THSD7A: variants seen among roughly 807,000 people sequenced by gnomAD.
THSD7A encodes thrombospondin type 1 domain containing 7A.
In THSD7A, 96 loss-of-function variants were observed where a neutral mutation model predicts 231.3. The ratio of observed to expected loss-of-function variants is 0.41; its 90% confidence interval spans 0.35 to 0.49. The LOEUF is 0.49. Ranked by LOEUF, THSD7A falls within the 20% of genes least tolerant of loss-of-function variation. THSD7A has a pLI of 0.05. For synonymous variants in THSD7A, 940 were observed against 743.3 expected (o/e 1.26, Z -4.30); for missense variants, 2,290 against 2,070.2 (o/e 1.11, Z -2.06).
chr7:11,621,798 A>AT (rs907335440), intron 2 of THSD7A, among the ~76,000 whole-genome samples: 2 of 152,098 alleles, frequency 1.3e-5, no homozygotes, highest in Non-Finnish European at 2.9e-5. Flanking sequence ...TGATGCAGTA[A>AT]TTTTTTCTCC....
chr7:11,451,235 G>A (rs1422735859), intron 11 of THSD7A, among the ~76,000 whole-genome samples: 1 of 152,008 alleles, frequency 6.6e-6, no homozygotes, highest in Non-Finnish European at 1.5e-5. Flanking sequence ...CAAATGCAAC[G>A]TGGAGACCTT....
intron 1 of THSD7A, among the ~76,000 whole-genome samples, chr7:11,809,754 A>G (rs1364797298): frequency 6.6e-6 from 1 of 152,144 alleles, no homozygotes; most frequent in African/African-American, 2.4e-5. Context: ...TATACTAACA[A>G]CATATTTCTT....
At chr7:11,420,098 C>T (rs1784094197) in intron 16 of THSD7A, among the ~76,000 whole-genome samples, 1 of 152,176 alleles carries the variant, frequency 6.6e-6, no homozygotes, top group African/African-American at 2.4e-5. Flanking sequence ...TTTGCAGCCC[C>T]ACCACGTGGT....
chr7:11,509,662 T>C lies in THSD7A; in HGVS notation c.1823-27680A>G, dbSNP rs112439355. On this transcript the variant is annotated intron_variant, in intron 6 of 27. Transcript: ENST00000423059. The stretch of plus-strand genomic sequence containing the variant: ...GGTGAAACCCCGTCTCTATTAAAAA[T>C]ACAAAAAAAATTAGCCGGGCGCAGT... Among the ~76,000 whole-genome samples, 10 of 149,016 alleles carry C rather than the reference T, an allele frequency of 6.7e-5. 1 individual carries two copies. The highest frequency in any genetic ancestry group is 2.5e-4 in the African/African-American group (10 of 40,636).
At chr7:11,625,494 G>T (rs1369466443) in intron 2 of THSD7A, among the ~76,000 whole-genome samples, 1 of 152,016 alleles carries the variant, frequency 6.6e-6, no homozygotes, top group Non-Finnish European at 1.5e-5. Flanking sequence ...ACTAAGTAGA[G>T]AAGAAAGCAT....
At chr7:11,543,860 C>CAGTTA (rs1439881935) in intron 4 of THSD7A, among the ~76,000 whole-genome samples, 7 of 151,794 alleles carry the variant, frequency 4.6e-5, no homozygotes, top group Non-Finnish European at 1.0e-4. Context: ...ATATACTTGA[C>CAGTTA]AGTTAAGGTC....
chr7:11,382,908 C>G (rs1445997573), intron 23 of THSD7A, among the ~76,000 whole-genome samples: 2 of 148,292 alleles, frequency 1.3e-5, no homozygotes, highest in African/African-American at 5.1e-5. Flanking sequence ...TAGAGAATAA[C>G]TGTATATATA....
chr7:11,409,179 G>C (rs113023509), intron 19 of THSD7A, among the ~76,000 whole-genome samples: 3 of 152,310 alleles, frequency 2.0e-5, no homozygotes, highest in African/African-American at 4.8e-5. Flanking sequence ...TATCCAATGA[G>C]TAAATGTCTG....
chr7:11,543,783 A>G (rs1414866988), intron 4 of THSD7A, among the ~76,000 whole-genome samples: 1 of 152,090 alleles, frequency 6.6e-6, no homozygotes, highest in African/African-American at 2.4e-5. Flanking sequence ...TGACCAATAA[A>G]CTGTGGATAA....
At chr7:11,376,283 C>T (rs1226147876) in intron 27 of THSD7A, among the ~76,000 whole-genome samples, 1 of 151,966 alleles carries the variant, frequency 6.6e-6, no homozygotes, top group East Asian at 1.9e-4. Context: ...ATTAGTAATT[C>T]AATATAAAAA....
intron 1 of THSD7A, among the ~76,000 whole-genome samples, chr7:11,767,511 C>T (rs1255267062): frequency 1.3e-5 from 2 of 152,178 alleles, no homozygotes; most frequent in Non-Finnish European, 1.5e-5. Context: ...ACTTTAACCA[C>T]CTTGTTTAAA....
chr7:11,658,975 C>A (rs115378014), intron 1 of THSD7A, among the ~76,000 whole-genome samples: 1,710 of 151,728 alleles, frequency 0.011, 30 homozygotes, highest in African/African-American at 0.039. Context: ...GGGTATATTT[C>A]TTTGACTCAA....
intron 1 of THSD7A, among the ~76,000 whole-genome samples, chr7:11,762,353 C>T (rs1049792015): frequency 2.0e-5 from 3 of 152,124 alleles, no homozygotes; most frequent in African/African-American, 7.2e-5. Context: ...TACATTTCCA[C>T]CAGCAATGTC....
At chr7:11,488,146 T>C (rs990560700) in intron 6 of THSD7A, among the ~76,000 whole-genome samples, 10 of 152,172 alleles carry the variant, frequency 6.6e-5, no homozygotes, top group African/African-American at 2.2e-4. Context: ...ATTTTGAGAT[T>C]AGATTTCTCT....
chr7:11,522,399 T>C (rs1279625669), intron 6 of THSD7A, among the ~76,000 whole-genome samples: 2 of 152,212 alleles, frequency 1.3e-5, no homozygotes, highest in African/African-American at 2.4e-5. Flanking sequence ...TTTCATTGCA[T>C]TGATTTCCAC....
At chr7:11,728,169 C>T (rs1781609559) in intron 1 of THSD7A, among the ~76,000 whole-genome samples, 1 of 151,872 alleles carries the variant, frequency 6.6e-6, no homozygotes, top group South Asian at 2.1e-4. Context: ...TCAATTTTTG[C>T]TCATATATTT....
intron 16 of THSD7A, among the ~76,000 whole-genome samples, chr7:11,422,371 G>T (rs1372076662): frequency 2.0e-5 from 3 of 152,060 alleles, no homozygotes; most frequent in Non-Finnish European, 4.4e-5. Flanking sequence ...CCCAACACTT[G>T]CATTCAAGCA....
chr7:11,799,228 CT>C (rs1275176071), intron 1 of THSD7A, among the ~76,000 whole-genome samples: 1 of 152,068 alleles, frequency 6.6e-6, no homozygotes, highest in Non-Finnish European at 1.5e-5. Context: ...GCCTTACCAA[CT>C]TTTATGATTA....
intron 6 of THSD7A, among the ~76,000 whole-genome samples, chr7:11,497,457 G>A (rs144490299): frequency 6.6e-6 from 1 of 152,134 alleles, no homozygotes. Flanking sequence ...TTCTTTAGGG[G>A]ACATTAGGAA....
Sources: allele counts gnomAD v4.1 joint callset (sites outside exome capture counted in the v4.1 genomes callset), GRCh38; gene constraint gnomAD v4.1.1; transcripts MANE v1.5; gene names NCBI Gene and HGNC (gene_info 2026-07-23, HGNC 2026-07-21).